The following KIF16B variants were observed in gnomAD, a reference collection of about 807,000 sequenced individuals.
KIF16B encodes kinesin-like protein KIF16B.
Under a neutral mutation model 156.3 loss-of-function variants are expected in KIF16B, and 98 were observed. The observed-to-expected ratio is 0.63, with a 90% CI of 0.53 to 0.74. The LOEUF is 0.74. Ranked by LOEUF, KIF16B falls within the 30% of genes least tolerant of loss-of-function variation. KIF16B has a pLI of 0.00. For missense variants in KIF16B, 1,421 were observed against 1,606.5 expected (o/e 0.88, Z 1.97); for synonymous variants, 564 against 583.7 (o/e 0.97, Z 0.49).
chr20:16,516,009 T>TA (rs1279752460), intron 3 of KIF16B, among the ~76,000 whole-genome samples: 10 of 152,186 alleles, frequency 6.6e-5, no homozygotes, highest in African/African-American at 2.4e-4. Flanking sequence ...TATATAAATA[T>TA]ATAAAGCTAT....
intron 20 of KIF16B, among the ~76,000 whole-genome samples, chr20:16,373,882 A>G (rs2064880696): frequency 6.6e-6 from 1 of 152,226 alleles, no homozygotes; most frequent in Non-Finnish European, 1.5e-5. Context: ...CTATACAAAG[A>G]TTGAAAATAC....
chr20:16,335,404 T>A (rs1300818557), intron 24 of KIF16B, among the ~76,000 whole-genome samples: 1 of 152,244 alleles, frequency 6.6e-6, no homozygotes, highest in East Asian at 1.9e-4. Context: ...ATCTGATGCA[T>A]GAAATGCTTT....
intron 17 of KIF16B, among the ~76,000 whole-genome samples, chr20:16,385,677 T>A (rs969613116): frequency 2.6e-5 from 4 of 152,128 alleles, no homozygotes; most frequent in Non-Finnish European, 1.5e-5. Context: ...TTCACTGAGA[T>A]GAGAAGAGCA....
chr20:16,441,955 A>C (rs1467029202), intron 12 of KIF16B, among the ~76,000 whole-genome samples: 1 of 152,162 alleles, frequency 6.6e-6, no homozygotes, highest in Admixed American at 6.6e-5. Context: ...AGATCTATCT[A>C]TATTACATTA....
At position 16,369,299 on chromosome 20, in the gene KIF16B, G is replaced by C; in HGVS notation, c.3498+1287C>G. 4 of 985,586 alleles carry C rather than the reference G, an allele frequency of 4.1e-6. No individual in the cohort carries two copies. In the South Asian group the frequency reaches 1.9e-4, roughly 46 times the overall value. The allele number at this position is 985,586 out of a possible 1,614,324, so 61.1% of individuals were successfully genotyped here. A position where few individuals can be genotyped will look rare whatever the true frequency, so the allele number is the denominator to read the frequency against. On this transcript the variant is annotated intron_variant, in intron 22 of 25. Coordinates refer to ENST00000354981, the MANE Select transcript of KIF16B (RefSeq NM_024704.5). Reference sequence around the variant, plus strand: ...AGGTGTCAAAAAAAGTTGAAATGGGGATGTGGTATCTCTTTCTGTGATTCT... The same window carrying C: ...AGGTGTCAAAAAAAGTTGAAATGGGCATGTGGTATCTCTTTCTGTGATTCT...
At chr20:16,313,633 T>G (rs1014019556) in intron 24 of KIF16B, among the ~76,000 whole-genome samples, 1 of 152,140 alleles carries the variant, frequency 6.6e-6, no homozygotes, top group African/African-American at 2.4e-5. Flanking sequence ...ACTATGACAA[T>G]AGCATCGCTT....
chr20:16,511,703 T>G (rs895164139), intron 5 of KIF16B, among the ~76,000 whole-genome samples, 176 bp from the exon 6 acceptor site: 1 of 152,184 alleles, frequency 6.6e-6, no homozygotes, highest in Non-Finnish European at 1.5e-5. Flanking sequence ...TGACAGGTTC[T>G]TGGAAAGTGC....
At chr20:16,368,122 C>T in intron 22 of KIF16B, 2 of 1,228,034 alleles carry the variant, frequency 1.6e-6, no homozygotes, top group Non-Finnish European at 2.0e-6. Context: ...TGGTAGAGAA[C>T]AAGTCACATG....
At chr20:16,506,374 G>T (rs2068779269) in intron 7 of KIF16B, among the ~76,000 whole-genome samples, 184 bp from the exon 8 acceptor site, 1 of 152,160 alleles carries the variant, frequency 6.6e-6, no homozygotes, top group South Asian at 2.1e-4. Context: ...CAATGCAAAA[G>T]AAGTTACTGT....
At chr20:16,460,100 T>C (rs2067307720) in intron 12 of KIF16B, among the ~76,000 whole-genome samples, 1 of 152,222 alleles carries the variant, frequency 6.6e-6, no homozygotes, top group Admixed American at 6.5e-5. Flanking sequence ...TTGACTCAAG[T>C]GACCAATACC....
intron 23 of KIF16B, 127 bp downstream of exon 23, chr20:16,356,203 A>C: frequency 8.1e-7 from 1 of 1,236,082 alleles, no homozygotes. Flanking sequence ...AAAGAAGGGC[A>C]AGACCAAATA....
At chr20:16,372,609 C>T (rs371091087) in intron 20 of KIF16B, among the ~76,000 whole-genome samples, 12 of 152,200 alleles carry the variant, frequency 7.9e-5, no homozygotes, top group Admixed American at 5.2e-4. Flanking sequence ...TTATCTTCAT[C>T]GAAAATCTTT....
Position 16,469,254 on chromosome 20 carries a change from TAAAAAA to T in KIF16B, c.1302+25031_1302+25036del, listed in dbSNP as rs57114751. The stretch of plus-strand genomic sequence containing the variant: ...GGTGACAGAGCAGGACCCTGTGTCT[TAAAAAA>T]AAAAAAAAAAAAAAAAAAAATGGTC... On this transcript the variant is annotated intron_variant, in intron 12 of 25. Transcript: ENST00000354981. 4.5e-4 allele frequency among the ~76,000 whole-genome samples: 30 copies of T among 66,078 alleles called. 1 individual carries two copies. The Admixed American group carries it at 5.6e-3, about 12-fold the overall frequency. 43.3% of individuals were successfully genotyped at this position (66,078 alleles called of 152,430 possible).
chr20:16,494,258 T>A, intron 12 of KIF16B, 33 bp downstream of exon 12: 2 of 1,267,168 alleles, frequency 1.6e-6, no homozygotes, highest in Non-Finnish European at 2.3e-6. Flanking sequence ...TAATCCACCA[T>A]AGTAAGACTA....
intron 25 of KIF16B, among the ~76,000 whole-genome samples, chr20:16,308,582 C>G (rs1432195119): frequency 6.6e-6 from 1 of 152,202 alleles, no homozygotes; most frequent in African/African-American, 2.4e-5. Context: ...TTTCTCCTCC[C>G]CAAGACATAG....
At chr20:16,548,422 T>A (rs745344782) in intron 1 of KIF16B, among the ~76,000 whole-genome samples, 2 of 152,126 alleles carry the variant, frequency 1.3e-5, no homozygotes, top group Non-Finnish European at 2.9e-5. Context: ...GCAGTACTGG[T>A]CTATGGGCAG....
At chr20:16,371,355 G>A (rs1426344726) in intron 21 of KIF16B, among the ~76,000 whole-genome samples, 2 of 152,148 alleles carry the variant, frequency 1.3e-5, no homozygotes, top group Non-Finnish European at 2.9e-5. Context: ...GGGAAGCCGA[G>A]ATGGGCAGAT....
At chr20:16,351,806 G>T (rs2064344285) in intron 23 of KIF16B, among the ~76,000 whole-genome samples, 1 of 152,236 alleles carries the variant, frequency 6.6e-6, no homozygotes, top group Non-Finnish European at 1.5e-5. Flanking sequence ...GTAAAACAAA[G>T]TGGGGAGAGG....
chr20:16,564,429 G>C (rs371871369), intron 1 of KIF16B, among the ~76,000 whole-genome samples: 1 of 152,080 alleles, frequency 6.6e-6, no homozygotes, highest in Non-Finnish European at 1.5e-5. Context: ...ACCAAACACC[G>C]CATGTTCTCA....
Sources: gnomAD v4.1 joint callset for allele counts (sites outside exome capture counted in the v4.1 genomes callset) on GRCh38, gnomAD v4.1.1 for gene constraint, MANE v1.5 for transcripts, NCBI Gene and HGNC (gene_info 2026-07-23, HGNC 2026-07-21) for gene names.